MADD: variants seen among roughly 807,000 people sequenced by gnomAD.
MADD encodes the protein MAP kinase-activating death domain protein.
In MADD, 109 loss-of-function variants were observed where a neutral mutation model predicts 176.7. The ratio of observed to expected loss-of-function variants is 0.62; its 90% CI spans 0.53 to 0.72. The LOEUF (loss-of-function observed/expected upper bound fraction) is 0.72. Among genes scored for constraint, MADD ranks in the 30% least tolerant of loss-of-function variants. The pLI is 0.00. For missense variants in MADD, 1,914 were observed against 2,045.5 expected, an observed-to-expected ratio of 0.94 and a Z score of 1.24; for synonymous variants, 771 against 771.3, an observed-to-expected ratio of 1.00 and a Z score of 0.01.
At chr11:47,277,803 G>A (rs2051821835) in intron 5 of MADD, among the ~76,000 whole-genome samples, 1 of 152,192 alleles carries the variant, frequency 6.6e-6, no homozygotes, top group East Asian at 1.9e-4. Flanking sequence ...GACAGCATGA[G>A]ATTTCATCAT....
chr11:47,281,780 C>T, intron 8 of MADD, 27 bp downstream of exon 8: 4 of 1,505,900 alleles, frequency 2.7e-6, no homozygotes, highest in South Asian at 1.2e-5. Flanking sequence ...TGTATAATCA[C>T]AAGTTCTTAA....
At chr11:47,281,452 G>A in intron 7 of MADD, 123 bp from the exon 8 acceptor site, 1 of 676,912 alleles carries the variant, frequency 1.5e-6, no homozygotes, top group Non-Finnish European at 2.3e-6. Flanking sequence ...GTTCTTTGTT[G>A]CAGAACTTTT....
chr11:47,302,463 C>T lies in MADD; in HGVS notation c.3643-6128C>T, dbSNP rs753777904. 1.8e-3 allele frequency among the ~76,000 whole-genome samples: 276 copies of T among 152,208 alleles called. 2 individuals carry two copies. Among genetic ancestry groups the T allele is most frequent in the Non-Finnish European group, 3.0e-3 (204 of 68,016 alleles). On this transcript the variant is annotated intron_variant, in intron 22 of 32. Transcript: ENST00000402192. ...TCCTGACCTTGTGATCTGCCCGCTT[C>T]GGCCTCCCAAAGTGCTGGGATTACA... is the stretch of plus-strand genomic sequence containing the variant.
At chr11:47,284,340 A>C (rs758021725) in intron 11 of MADD, 35 bp from the exon 12 acceptor site, 1 of 1,613,792 alleles carries the variant, frequency 6.2e-7, no homozygotes, top group Admixed American at 1.7e-5. Context: ...CCAAGGATGG[A>C]GTGGTCTGTA....
intron 15 of MADD, among the ~76,000 whole-genome samples, chr11:47,288,591 C>A (rs1438990409): frequency 6.6e-6 from 1 of 152,212 alleles, no homozygotes; most frequent in Non-Finnish European, 1.5e-5. Flanking sequence ...CATACCCTGA[C>A]CCCACTCCCC....
intron 8 of MADD, 29 bp downstream of exon 8, chr11:47,281,782 A>G: frequency 6.6e-7 from 1 of 1,526,574 alleles, no homozygotes; most frequent in Non-Finnish European, 8.9e-7. Context: ...TATAATCACA[A>G]GTTCTTAAAT....
chr11:47,278,589 A>G (rs1372697702), intron 6 of MADD, among the ~76,000 whole-genome samples: 1 of 152,136 alleles, frequency 6.6e-6, no homozygotes, highest in African/African-American at 2.4e-5. Context: ...ATCATCTCTT[A>G]ATGGTTTCCC....
chr11:47,328,107 C>T, intron 31 of MADD: 3 of 999,080 alleles, frequency 3.0e-6, no homozygotes, highest in Non-Finnish European at 3.6e-6. Flanking sequence ...GGGAAGGACA[C>T]TGCCACATCC....
intron 27 of MADD, among the ~76,000 whole-genome samples, chr11:47,316,058 A>G: frequency 6.6e-6 from 1 of 150,436 alleles, no homozygotes; most frequent in East Asian, 2.0e-4. Flanking sequence ...CTGGTCTTGA[A>G]CTCCTGACCT....
chr11:47,272,266 A>G lies in MADD; in HGVS notation c.-88-1561A>G, dbSNP rs373939725. The G allele has an allele frequency of 3.3e-5, 5 of 152,298 alleles. No homozygotes were observed. In the East Asian group the frequency reaches 5.8e-4, roughly 18 times the overall value. 9.4% of individuals were successfully genotyped at this position (152,298 alleles called of 1,614,324 possible). On this transcript the variant is annotated intron_variant, in intron 1 of 32. Transcript: ENST00000402192. ...CGCTATAGAGATAAAACTGAATCCT[A>G]TTACCTGCAGGTCCTCTACTGGGAG...
chr11:47,288,844 C>A, intron 15 of MADD, 124 bp from the exon 16 acceptor site: 6 of 753,538 alleles, frequency 8.0e-6, no homozygotes, highest in Non-Finnish European at 1.3e-5. Context: ...GCCCAAGAAC[C>A]AAGGTTATGT....
intron 31 of MADD, chr11:47,327,551 C>G: frequency 1.0e-6 from 1 of 985,430 alleles, no homozygotes; most frequent in Non-Finnish European, 1.2e-6. Flanking sequence ...CAGCTCGTCT[C>G]TTCCTTTCTC....
chr11:47,290,487 A>T, intron 18 of MADD, 123 bp from the exon 20 acceptor site: 1 of 1,256,962 alleles, frequency 8.0e-7, no homozygotes, highest in Non-Finnish European at 1.1e-6. Flanking sequence ...ATAAGACATC[A>T]GCTCATCTTT....
chr11:47,290,549 C>G, intron 18 of MADD, 61 bp from the exon 20 acceptor site: 1 of 1,522,602 alleles, frequency 6.6e-7, no homozygotes, highest in Non-Finnish European at 9.0e-7. Context: ...CCTCCCACCT[C>G]ATATCTGCGC....
rs1428978804 is a variant in MADD, at chr11:47,329,955, CTG to C, written c.*807_*808del. Reference sequence around the variant, plus strand: ...CAGCCTGGGTATGGGCAAGAAATGACTGTAAATATTTCAGCCCCACATTATTT... The same window carrying C: ...CAGCCTGGGTATGGGCAAGAAATGACTAAATATTTCAGCCCCACATTATTT... On this transcript the variant is annotated 3_prime_UTR_variant, in exon 33 of 33. Transcript: ENST00000402192. 3 of 152,664 alleles carry C rather than the reference CTG, an allele frequency of 2.0e-5. No individual in the cohort carries two copies. The East Asian group carries it at 5.8e-4, about 29-fold the overall frequency. 9.5% of individuals were successfully genotyped at this position (152,664 alleles called of 1,614,324 possible).
exon 22 of MADD, chr11:47,295,963 C>A (rs2071257862): frequency 6.2e-7 from 1 of 1,613,886 alleles, no homozygotes; most frequent in Non-Finnish European, 8.5e-7. Context: ...AGGTGATGGA[C>A]CAGGTGGCGA....
intron 5 of MADD, 110 bp downstream of exon 5, chr11:47,276,973 C>T (rs2050536574): frequency 7.7e-7 from 1 of 1,299,416 alleles, no homozygotes; most frequent in Non-Finnish European, 1.1e-6. Context: ...TTTGTCATAA[C>T]TTATTTGTCT....
At chr11:47,317,665 T>G (rs1263728309) in intron 27 of MADD, among the ~76,000 whole-genome samples, 4 of 152,220 alleles carry the variant, frequency 2.6e-5, no homozygotes, top group Non-Finnish European at 5.9e-5. Context: ...TACACATCAG[T>G]GGGCTCAGAT....
At chr11:47,269,771 G>A (rs1432991145), upstream of MADD, 1 of 152,180 alleles carries the variant, frequency 6.6e-6, no homozygotes, top group African/African-American at 2.4e-5. Flanking sequence ...GGTGGGGACT[G>A]GGGGATGGGG....
Sources: gnomAD v4.1 joint callset for allele counts (sites outside exome capture counted in the v4.1 genomes callset) on GRCh38, gnomAD v4.1.1 for gene constraint, MANE v1.5 for transcripts, NCBI Gene and HGNC (gene_info 2026-07-23, HGNC 2026-07-21) for gene names.